MYH11: variants seen among roughly 807,000 people sequenced by gnomAD.
MYH11 encodes myosin heavy chain 11, also known as myosin-11.
Under a neutral mutation model 246.6 loss-of-function variants are expected in MYH11, and 80 were observed. The observed-to-expected ratio is 0.32, with a 90% confidence interval of 0.27 to 0.39. The LOEUF is 0.39. Among genes scored for constraint, MYH11 ranks in the 10% least tolerant of loss-of-function variants. The probability of loss-of-function intolerance (pLI) is 1.00; values close to 1 mark genes in which losing one functional copy is unlikely to be tolerated. For missense variants in MYH11, 2,158 were observed against 2,546.8 expected (o/e 0.85, Z 3.29); for synonymous variants, 1,071 against 1,015.5 (o/e 1.05, Z -1.04).
intron 1 of MYH11, among the ~76,000 whole-genome samples, chr16:15,849,772 A>G (rs908354410): frequency 2.0e-5 from 3 of 152,144 alleles, no homozygotes; most frequent in Admixed American, 6.5e-5. Context: ...TTTGAGCACA[A>G]ACAAGCTAAT....
intron 8 of MYH11, 81 bp from the exon 9 acceptor site, chr16:15,771,793 TG>T: frequency 6.4e-7 from 1 of 1,552,058 alleles, no homozygotes; most frequent in Non-Finnish European, 8.8e-7. Flanking sequence ...GTCAAGGGTC[TG>T]GGCCATCATA....
At chr16:15,784,997 T>G in intron 5 of MYH11, 1 of 324,016 alleles carries the variant, frequency 3.1e-6, no homozygotes, top group Non-Finnish European at 5.4e-6. Context: ...CAGGCCCAGC[T>G]AATTCTCTTG....
chr16:15,722,950 GC>G (rs1428312028), intron 31 of MYH11, among the ~76,000 whole-genome samples: 1 of 151,972 alleles, frequency 6.6e-6, no homozygotes, highest in African/African-American at 2.4e-5. Flanking sequence ...CACGATGTTG[GC>G]CAGGCTGGTC....
At chr16:15,794,753 G>T (rs1036956839) in intron 4 of MYH11, among the ~76,000 whole-genome samples, 3 of 152,198 alleles carry the variant, frequency 2.0e-5, no homozygotes, top group African/African-American at 7.2e-5. Context: ...AGGATGGAGG[G>T]AAGGGTGGGC....
intron 30 of MYH11, 111 bp downstream of exon 30, chr16:15,724,535 TG>T: frequency 6.2e-7 from 1 of 1,607,002 alleles, no homozygotes; most frequent in Non-Finnish European, 8.5e-7. Flanking sequence ...CAGGGGAAGC[TG>T]GGGGGTCAAG....
At chr16:15,704,258 C>G (rs534318282) in intron 40 of MYH11, 135 bp from the exon 41 acceptor site, 1 of 948,652 alleles carries the variant, frequency 1.1e-6, no homozygotes, top group East Asian at 2.6e-5. Flanking sequence ...AAAACACACA[C>G]GGCACAAATA....
intron 1 of MYH11, among the ~76,000 whole-genome samples, chr16:15,852,889 T>C (rs1038694190): frequency 7.9e-5 from 12 of 152,278 alleles, no homozygotes; most frequent in Middle Eastern, 3.4e-3. Context: ...CCCGATCTGT[T>C]TGAAGCCTAA....
At chr16:15,827,607 A>G (rs1479901148) in intron 2 of MYH11, among the ~76,000 whole-genome samples, 1 of 152,120 alleles carries the variant, frequency 6.6e-6, no homozygotes, top group East Asian at 1.9e-4. Context: ...TGCAAACACC[A>G]GCTGCAAGTG....
chr16:15,831,450 T>C (rs1489914247), intron 2 of MYH11, among the ~76,000 whole-genome samples: 1 of 136,832 alleles, frequency 7.3e-6, no homozygotes, highest in Non-Finnish European at 1.6e-5. Flanking sequence ...GGAGTGACTT[T>C]TTCTTATGTT....
chr16:15,799,596 T>G (rs1276797513), intron 3 of MYH11, among the ~76,000 whole-genome samples: 3 of 152,246 alleles, frequency 2.0e-5, no homozygotes, highest in Non-Finnish European at 4.4e-5. Flanking sequence ...CATCACCTTC[T>G]ACTCTTAAAG....
Position 15,748,077 on chromosome 16 carries a change from T to C in MYH11, c.2150A>G (p.Asn717Ser), listed in dbSNP as rs1567724574. The change falls in exon 17 of 41, where the codon AAC becomes AGC. Residue 717 changes from asparagine to serine, a missense_variant. Asn to Ser is a conservative substitution (Grantham distance 46). Coordinates refer to ENST00000300036, the MANE Select transcript of MYH11 (RefSeq NM_002474.3). ...GCGGAACTCCTGGAAGACGATCCGG[T>C]TGGGGAAGCCCTGCCGGCAGATGCG... ...GIRICRQGFP[N>S]RIVFQEFRQR... is the part of the protein sequence containing the mutation. 7 of 1,614,030 alleles carry C rather than the reference T, an allele frequency of 4.3e-6. No individual in the cohort carries two copies. Among genetic ancestry groups the C allele is most frequent in the South Asian group, 1.1e-5 (1 of 91,090 alleles).
chr16:15,786,307 A>G, intron 5 of MYH11: 1 of 445,516 alleles, frequency 2.2e-6, no homozygotes, highest in Non-Finnish European at 4.2e-6. Context: ...CCTCCAAGGA[A>G]GAGTTATCTG....
intron 40 of MYH11, among the ~76,000 whole-genome samples, chr16:15,709,365 C>T (rs994013548): frequency 6.6e-6 from 1 of 151,392 alleles, no homozygotes; most frequent in Non-Finnish European, 1.5e-5. Flanking sequence ...GGATGGAGTG[C>T]ACTGGCATGA....
intron 27 of MYH11, among the ~76,000 whole-genome samples, chr16:15,732,006 G>A (rs528835012): frequency 1.3e-5 from 2 of 151,952 alleles, no homozygotes; most frequent in East Asian, 1.9e-4. Context: ...CTGTTGCTCA[G>A]GCTGGAGTGC....
Position 15,738,565 on chromosome 16 carries a change from C to T in MYH11, c.3121G>A (p.Val1041Met). ...ATAAATCTCTTGGTAGCTGGTTTACCTTCCAGTTCTGAAATCATAGATTCA... is the reference window on the plus strand; with the variant it reads ...ATAAATCTCTTGGTAGCTGGTTTACTTTCCAGTTCTGAAATCATAGATTCA... The part of the protein sequence containing the change: ...KHESMISELE[V>M]RLKKEEKSRQ... Residue 1041 changes from valine (V) to methionine (M), a missense_variant and splice_region_variant, in exon 24 of 41, where the codon GTG (valine) becomes ATG (methionine). Coordinates refer to ENST00000300036, the MANE Select transcript of MYH11 (RefSeq NM_002474.3). The T allele has an allele frequency of 6.2e-7, 1 of 1,610,536 alleles. No individual in the cohort carries two copies. The highest frequency in any genetic ancestry group is 8.5e-7 in the Non-Finnish European group (1 of 1,178,538).
At chr16:15,796,156 A>G (rs886870246) in intron 4 of MYH11, among the ~76,000 whole-genome samples, 4 of 152,204 alleles carry the variant, frequency 2.6e-5, no homozygotes, top group African/African-American at 9.6e-5. Context: ...TTTCAGCATC[A>G]TACCGTCCAA....
intron 35 of MYH11, 137 bp downstream of exon 35, chr16:15,719,448 G>A: frequency 6.7e-7 from 1 of 1,487,216 alleles, no homozygotes; most frequent in South Asian, 1.1e-5. Context: ...ACATAGAGGA[G>A]GGAAGCGTGT....
chr16:15,715,139 A>T, intron 39 of MYH11, 25 bp downstream of exon 39: 2 of 1,612,550 alleles, frequency 1.2e-6, no homozygotes, highest in Non-Finnish European at 1.7e-6. Context: ...TGGGGGCTCG[A>T]GGGAGGCTGG....
At chr16:15,787,394 C>A (rs1033498936) in intron 4 of MYH11, among the ~76,000 whole-genome samples, 1 of 151,512 alleles carries the variant, frequency 6.6e-6, no homozygotes, top group Non-Finnish European at 1.5e-5. Flanking sequence ...GGTGACAGAG[C>A]AAGACCTCAT....
Sources: allele counts gnomAD v4.1 joint callset (sites outside exome capture counted in the v4.1 genomes callset), GRCh38; gene constraint gnomAD v4.1.1; transcripts MANE v1.5; gene names NCBI Gene and HGNC (gene_info 2026-07-23, HGNC 2026-07-21).